Variants in ATP8A1 observed in about 807,000 individuals in gnomAD.
ATP8A1 encodes the protein phospholipid-transporting ATPase IA.
A neutral mutation model predicts 177.7 loss-of-function variants in ATP8A1; 90 were observed. The observed-to-expected ratio is 0.51, with a 90% confidence interval of 0.43 to 0.60. ATP8A1 has a LOEUF of 0.60. Among genes scored for constraint, ATP8A1 ranks in the 20% least tolerant of loss-of-function variants. The pLI is 0.00. For missense variants in ATP8A1, 1,072 were observed against 1,392.8 expected, an observed-to-expected ratio of 0.77 and a Z score of 3.67; for synonymous variants, 493 against 485.9, an observed-to-expected ratio of 1.01 and a Z score of -0.19.
chr4:42,540,621 T>C (rs1047030833), intron 20 of ATP8A1, among the ~76,000 whole-genome samples: 1 of 151,710 alleles, frequency 6.6e-6, no homozygotes, highest in Non-Finnish European at 1.5e-5. Context: ...AATGACATCA[T>C]GTCATTTGCA....
chr4:42,586,557 A>G, intron 8 of ATP8A1, 81 bp from the exon 9 acceptor site: 1 of 1,330,948 alleles, frequency 7.5e-7, no homozygotes, highest in Non-Finnish European at 1.0e-6. Flanking sequence ...GAATTCATCC[A>G]AGTCTTAAGA....
At chr4:42,499,606 T>C (rs1723615019) in intron 24 of ATP8A1, among the ~76,000 whole-genome samples, 1 of 152,200 alleles carries the variant, frequency 6.6e-6, no homozygotes, top group African/African-American at 2.4e-5. Context: ...TCCTGAGCTA[T>C]CTCAATGAAA....
chr4:42,538,337 C>A (rs1728047252), intron 20 of ATP8A1, among the ~76,000 whole-genome samples: 1 of 152,092 alleles, frequency 6.6e-6, no homozygotes, highest in Non-Finnish European at 1.5e-5. Context: ...ATCAGAAAAA[C>A]CCTTCTGGAC....
At position 42,410,404 on chromosome 4, in the gene ATP8A1, A is replaced by C. The variant is rs1018000356; in HGVS notation, c.*2512T>G. The stretch of plus-strand genomic sequence containing the variant: ...TGAAGAGTACGTGCCCTTTATTTCA[A>C]AAAAACACATGTTAAAAGTCACATT... On this transcript the variant is annotated 3_prime_UTR_variant, in exon 37 of 37. Coordinates refer to ENST00000381668, the MANE Select transcript of ATP8A1 (RefSeq NM_006095.2). The C allele has an allele frequency of 2.0e-5, 3 of 152,204 alleles. No individual in the cohort carries two copies. Among genetic ancestry groups the C allele is most frequent in the Admixed American group, 6.5e-5 (1 of 15,274 alleles). The allele number at this position is 152,204 out of a possible 1,614,324, so 9.4% of individuals were successfully genotyped here. A position where few individuals can be genotyped will look rare whatever the true frequency, so the allele number is the denominator to read the frequency against.
intron 1 of ATP8A1, among the ~76,000 whole-genome samples, chr4:42,640,501 G>T (rs930718893): frequency 1.3e-4 from 20 of 152,198 alleles, no homozygotes; most frequent in Non-Finnish European, 2.8e-4. Flanking sequence ...GTGGGGATCA[G>T]TAAGCCTCCA....
At chr4:42,608,452 C>T (rs1452335564) in intron 5 of ATP8A1, among the ~76,000 whole-genome samples, 8 of 152,010 alleles carry the variant, frequency 5.3e-5, no homozygotes, top group Middle Eastern at 6.8e-3. Context: ...CTCCACCTCT[C>T]AGGTTCAAGC....
intron 33 of ATP8A1, among the ~76,000 whole-genome samples, chr4:42,440,870 C>T (rs1716557704): frequency 6.6e-6 from 1 of 152,124 alleles, no homozygotes; most frequent in African/African-American, 2.4e-5. Context: ...AAGGTACCAT[C>T]CTGGAGACCC....
intron 30 of ATP8A1, among the ~76,000 whole-genome samples, chr4:42,450,715 A>C (rs1717844870): frequency 6.6e-6 from 1 of 152,242 alleles, no homozygotes; most frequent in African/African-American, 2.4e-5. Flanking sequence ...CGCTTATGCC[A>C]CAAGCTCTTG....
chr4:42,585,493 G>A (rs759549038), intron 9 of ATP8A1, among the ~76,000 whole-genome samples: 1 of 145,210 alleles, frequency 6.9e-6, no homozygotes, highest in Non-Finnish European at 1.5e-5. Flanking sequence ...AAAGAGGTCC[G>A]AGAGCCTCCG....
rs1730178553 is a variant in ATP8A1, at chr4:42,555,863, C to T, written c.1413+105G>A. 5.9e-6 allele frequency: 4 copies of T among 679,530 alleles called. No homozygotes were observed. The East Asian group carries it at 1.3e-4, about 22-fold the overall frequency. 42.1% of individuals were successfully genotyped at this position (679,530 alleles called of 1,614,324 possible). A position where few individuals can be genotyped will look rare whatever the true frequency, so the allele number is the denominator to read the frequency against. ...CTAACTAAATAAATAAATAAAAGAT[C>T]ATGAAAGTAAAAAAAGAGAAACATG... On this transcript the variant is annotated intron_variant, in intron 16 of 36. Coordinates refer to ENST00000381668, the MANE Select transcript of ATP8A1 (RefSeq NM_006095.2).
chr4:42,495,458 C>T (rs766953094), intron 24 of ATP8A1, among the ~76,000 whole-genome samples: 1 of 152,146 alleles, frequency 6.6e-6, no homozygotes, highest in Non-Finnish European at 1.5e-5. Context: ...AGTAAAAGAA[C>T]GTATGCCTGA....
chr4:42,603,260 G>A (rs1004390584), intron 5 of ATP8A1, among the ~76,000 whole-genome samples: 2 of 152,060 alleles, frequency 1.3e-5, no homozygotes, highest in African/African-American at 2.4e-5. Context: ...TCTTGGATAT[G>A]TTTTGTAGTT....
rs1439530628 is a variant in ATP8A1, at chr4:42,549,051, T to C, written c.1614A>G (p.Glu538=). The C allele has an allele frequency of 1.2e-6, 2 of 1,611,788 alleles. No individual in the cohort carries two copies. Among genetic ancestry groups the C allele is most frequent in the South Asian group, 2.2e-5 (2 of 90,722 alleles). Residue 538 remains glutamate, a synonymous_variant, in exon 19 of 37, where the codon GAA becomes GAG. Coordinates refer to ENST00000381668, the MANE Select transcript of ATP8A1 (RefSeq NM_006095.2). The part of the protein sequence containing the change: ...DSVIIDSLGQ[E]ERYELLNVLE... ...AGACATTGAGCAATTCATATCTTTC[T>C]TCCTGCCCCAGCTAAGAAGAAAAGG...
At chr4:42,574,391 C>G (rs918613088) in intron 14 of ATP8A1, among the ~76,000 whole-genome samples, 1 of 152,096 alleles carries the variant, frequency 6.6e-6, no homozygotes, top group Non-Finnish European at 1.5e-5. Flanking sequence ...ACACTAAACA[C>G]TGAAAATACC....
chr4:42,474,086 G>T (rs1720790605), intron 25 of ATP8A1, among the ~76,000 whole-genome samples: 2 of 152,144 alleles, frequency 1.3e-5, no homozygotes, highest in Admixed American at 6.6e-5. Context: ...GGAACAATTG[G>T]TCGCACAGAC....
intron 14 of ATP8A1, among the ~76,000 whole-genome samples, chr4:42,569,790 C>T (rs541441697): frequency 1.3e-5 from 2 of 152,252 alleles, no homozygotes; most frequent in African/African-American, 4.8e-5. Context: ...CTCATTAAAA[C>T]ACTCTTTATT....
intron 15 of ATP8A1, 134 bp downstream of exon 15, chr4:42,569,027 T>C: frequency 3.1e-6 from 1 of 322,794 alleles, no homozygotes; most frequent in Non-Finnish European, 5.4e-6. Flanking sequence ...TACAGCATTG[T>C]TACCCTAACT....
intron 33 of ATP8A1, among the ~76,000 whole-genome samples, chr4:42,440,051 G>A (rs905743490): frequency 3.9e-5 from 6 of 152,262 alleles, no homozygotes; most frequent in Non-Finnish European, 5.9e-5. Context: ...GTGAGTTACC[G>A]ACAAGCACTC....
At chr4:42,571,546 C>G (rs1323971467) in intron 14 of ATP8A1, among the ~76,000 whole-genome samples, 4 of 150,450 alleles carry the variant, frequency 2.7e-5, no homozygotes, top group Non-Finnish European at 2.9e-5. Flanking sequence ...GGCCCCTGAA[C>G]AGAGAAACTG....
Sources: allele counts gnomAD v4.1 joint callset (sites outside exome capture counted in the v4.1 genomes callset), GRCh38; gene constraint gnomAD v4.1.1; transcripts MANE v1.5; gene names NCBI Gene and HGNC (gene_info 2026-07-23, HGNC 2026-07-21).